SCRT2: variants seen among roughly 807,000 people sequenced by gnomAD.
SCRT2 encodes the protein scratch family transcriptional repressor 2.
In SCRT2, 2 loss-of-function variants were observed where a neutral mutation model predicts 3.7. That is an observed-to-expected ratio of 0.54 (90% CI 0.22 to 1.70). The LOEUF (loss-of-function observed/expected upper bound fraction) is 1.70, where lower values mean the gene tolerates loss of function less well. Among genes scored for constraint, SCRT2 ranks in the 40% most tolerant of loss-of-function variants. The pLI, the probability that SCRT2 is intolerant of heterozygous loss-of-function variation, is 0.19. For synonymous variants in SCRT2, 256 were observed against 220.6 expected, an observed-to-expected ratio of 1.16 and a Z score of -1.42; for missense variants, 456 against 468.5, an observed-to-expected ratio of 0.97 and a Z score of 0.25.
rs746196202 is a variant in SCRT2, at chr20:675,469, C to T, written c.133G>A (p.Gly45Arg). The T allele has an allele frequency of 5.2e-6, 7 of 1,337,162 alleles. No individual in the cohort carries two copies. The African/African-American group carries it at 9.0e-5, about 17-fold the overall frequency. 82.8% of individuals were successfully genotyped at this position (1,337,162 alleles called of 1,614,324 possible). The change falls in exon 1 of 2, where the codon GGG (glycine) becomes AGG (arginine). Residue 45 changes from glycine (G) to arginine (R), a missense_variant and splice_region_variant. Around this residue, in one of 3 missense-constraint regions of SCRT2, gnomAD observed 306 missense variants for 305.3 expected, o/e 1.00. Transcript: ENST00000246104. This position sits in a 1 kb window ranked among gnomAD's most constrained non-coding sequence, Gnocchi z 6.9. ...PGARGPPGDNGYAPHRLPPSS... is the reference protein window; with the variant it reads ...PGARGPPGDNRYAPHRLPPSS... Reference sequence around the variant, plus strand: ...CCCGCCCCCGCCGGGTCCCACTCACCGTTGTCCCCGGGAGGCCCCCGGGCG... The same window carrying T: ...CCCGCCCCCGCCGGGTCCCACTCACTGTTGTCCCCGGGAGGCCCCCGGGCG...
At chr20:671,868 C>T (rs1362744669) in intron 1 of SCRT2, among the ~76,000 whole-genome samples, 5 of 152,076 alleles carry the variant, frequency 3.3e-5, no homozygotes, top group African/African-American at 1.2e-4. Context: ...GGCCTGGCTC[C>T]AAGCTGGGGT....
rs773337424 is a variant in SCRT2, at chr20:664,232, C to A, written c.363G>T (p.Arg121=). 4 of 1,313,188 alleles carry A rather than the reference C, an allele frequency of 3.0e-6. No homozygotes were observed. In the South Asian group the frequency reaches 6.7e-5, roughly 22 times the overall value. 81.3% of individuals were successfully genotyped at this position (1,313,188 alleles called of 1,614,324 possible). Residue 121 remains arginine (R), a synonymous_variant, in exon 2 of 2, where the codon CGG becomes CGT. Coordinates refer to ENST00000246104, the MANE Select transcript of SCRT2 (RefSeq NM_033129.4). The surrounding 1 kb of genome is among the most constrained non-coding windows in gnomAD (Gnocchi z 7.9). The part of the protein sequence containing the change: ...FFISDGRSRR[R]RGGGGGDAGG... ...CCGCGTCCCCGCCGCCCCCGCCCCG[C>A]CGCCGCCGCGAGCGCCCGTCCGAGA... is the stretch of plus-strand genomic sequence containing the variant.
chr20:668,519 T>C lies in SCRT2; in HGVS notation c.134-4058A>G, dbSNP rs529461728. Among the ~76,000 whole-genome samples the C allele has an allele frequency of 7.2e-5, 11 of 152,250 alleles. No homozygotes were observed. In the South Asian group the frequency reaches 2.3e-3, roughly 32 times the overall value. On this transcript the variant is annotated intron_variant, in intron 1 of 1. Transcript: ENST00000246104. ...AGGTGAGATCTCTCATCCTAGCCCT[T>C]GAATTCAGGCCGTAGCCATGTGACC...
intron 1 of SCRT2, among the ~76,000 whole-genome samples, chr20:671,930 G>T (rs964262176): frequency 6.6e-6 from 1 of 152,198 alleles, no homozygotes; most frequent in Non-Finnish European, 1.5e-5. Flanking sequence ...TTCTTGGCAG[G>T]GGCCCACAGA....
At position 664,522 on chromosome 20, in the gene SCRT2, T is replaced by G; in HGVS notation, c.134-61A>C. The G allele has an allele frequency of 4.3e-6, 5 of 1,157,896 alleles. No homozygotes were observed. The highest frequency in any genetic ancestry group is 5.4e-6 in the Non-Finnish European group (5 of 917,458). 71.7% of individuals were successfully genotyped at this position (1,157,896 alleles called of 1,614,324 possible). ...AGGCGCCGAAGAGGGTTTCCCGCTT[T>G]GAGCGCGTCACCCTTTGCGCCTTCC... On this transcript the variant is annotated intron_variant, in intron 1 of 1. Coordinates refer to ENST00000246104, the MANE Select transcript of SCRT2 (RefSeq NM_033129.4). The surrounding 1 kb of genome is among the most constrained non-coding windows in gnomAD (Gnocchi z 7.9).
intron 1 of SCRT2, among the ~76,000 whole-genome samples, chr20:673,597 G>A (rs1008988783): frequency 6.6e-5 from 10 of 152,196 alleles, no homozygotes; most frequent in Admixed American, 4.6e-4. Context: ...TGTTAAACCC[G>A]GTGGAACCTC....
Position 666,591 on chromosome 20 carries a change from A to G in SCRT2, c.134-2130T>C, listed in dbSNP as rs79608251. Among the ~76,000 whole-genome samples, 355 of 152,330 alleles carry G rather than the reference A, an allele frequency of 2.3e-3. 2 individuals are homozygous for G. Among genetic ancestry groups the G allele is most frequent in the Non-Finnish European group, 3.9e-3 (267 of 68,022 alleles). ...GTGATGGCACTTGCTCCAGGGGTGG[A>G]GCAAGGATTGGAATCCACTGCCCCC... On this transcript the variant is annotated intron_variant, in intron 1 of 1. Transcript: ENST00000246104. The surrounding 1 kb of genome is among the most constrained non-coding windows in gnomAD (Gnocchi z 4.4).
intron 1 of SCRT2, among the ~76,000 whole-genome samples, chr20:669,601 C>T (rs1449190837): frequency 5.9e-5 from 9 of 152,178 alleles, no homozygotes; most frequent in African/African-American, 2.2e-4. Context: ...GAGGGCTGGG[C>T]CCTGCTGGGT....
chr20:663,926 C>A lies in SCRT2; in HGVS notation c.669G>T (p.Arg223=), dbSNP rs1019456866. The change falls in exon 2 of 2, where the codon CGG becomes CGT. Residue 223 remains arginine, a synonymous_variant. Transcript: ENST00000246104. The surrounding 1 kb of genome is among the most constrained non-coding windows in gnomAD (Gnocchi z 6.9). ...KCGVCGKAFS[R]PWLLQGHMRS... ...GCATGTGACCCTGCAGCAGCCAGGG[C>A]CGCGAGAAGGCCTTGCCGCAGACGC... 2 of 1,607,988 alleles carry A rather than the reference C, an allele frequency of 1.2e-6. No individual in the cohort carries two copies. Among genetic ancestry groups the A allele is most frequent in the African/African-American group, 2.7e-5 (2 of 74,878 alleles).
At chr20:669,090 G>A (rs998709764) in intron 1 of SCRT2, among the ~76,000 whole-genome samples, 5 of 149,536 alleles carry the variant, frequency 3.3e-5, no homozygotes, top group African/African-American at 1.2e-4. Context: ...AGGGGAAGGG[G>A]TGGTGCGTTT....
chr20:664,309 A>C lies in SCRT2; in HGVS notation c.286T>G (p.Phe96Val). The change falls in exon 2 of 2, where the codon TTC (phenylalanine) becomes GTC (valine). Residue 96 changes from phenylalanine to valine, a missense_variant. By Grantham distance (50) the Phe-to-Val change is conservative. Transcript: ENST00000246104. The surrounding 1 kb of genome is among the most constrained non-coding windows in gnomAD (Gnocchi z 7.9). ...TCGGTCACTGCCGCCTCCCCTCGGA[A>C]GTAGCGCGCCGACAGGCTCGACTGC... The part of the protein sequence containing the change: ...SPQSSLSARY[F>V]RGEAAVTDSY... 6.6e-7 allele frequency: 1 copy of C among 1,504,270 alleles called. No individual in the cohort carries two copies. Among genetic ancestry groups the C allele is most frequent in the South Asian group, 1.3e-5 (1 of 79,806 alleles). 93.2% of individuals were successfully genotyped at this position (1,504,270 alleles called of 1,614,324 possible).
Position 666,597 on chromosome 20 carries a change from G to T in SCRT2, c.134-2136C>A, listed in dbSNP as rs1264237151. Among the ~76,000 whole-genome samples the T allele has an allele frequency of 6.6e-6, 1 of 152,200 alleles. No individual in the cohort carries two copies. The highest frequency in any genetic ancestry group is 2.4e-5 in the African/African-American group (1 of 41,456). The stretch of plus-strand genomic sequence containing the variant: ...GCACTTGCTCCAGGGGTGGAGCAAG[G>T]ATTGGAATCCACTGCCCCCTTGGTT... On this transcript the variant is annotated intron_variant, in intron 1 of 1. Transcript: ENST00000246104. The surrounding 1 kb of genome is among the most constrained non-coding windows in gnomAD (Gnocchi z 4.4).
At position 661,678 on chromosome 20, in the gene SCRT2, G is replaced by A. The variant is rs1983953955; in HGVS notation, c.*1993C>T. 1.3e-5 allele frequency: 2 copies of A among 152,704 alleles called. No individual in the cohort carries two copies. Among genetic ancestry groups the A allele is most frequent in the Non-Finnish European group, 2.9e-5 (2 of 68,070 alleles). The allele number at this position is 152,704 out of a possible 1,614,324, so 9.5% of individuals were successfully genotyped here. ...GGTGGGGAAGGGATGGGGGTTTGGG[G>A]GTGAGTTGGGATAGGACGGAGGAGG... On this transcript the variant is annotated 3_prime_UTR_variant, in exon 2 of 2. Transcript: ENST00000246104.
In SCRT2 at chr20:663,570, A is replaced by T; in HGVS notation, c.*101T>A. 2 of 1,129,024 alleles carry T rather than the reference A, an allele frequency of 1.8e-6. No homozygotes were observed. The highest frequency in any genetic ancestry group is 2.3e-6 in the Non-Finnish European group (2 of 880,740). 69.9% of individuals were successfully genotyped at this position (1,129,024 alleles called of 1,614,324 possible). On this transcript the variant is annotated 3_prime_UTR_variant, in exon 2 of 2. Transcript: ENST00000246104. This position sits in a 1 kb window ranked among gnomAD's most constrained non-coding sequence, Gnocchi z 6.9. The stretch of plus-strand genomic sequence containing the variant: ...GGGTCCCCACGAGAGGGTCATGGGC[A>T]GGGAAACGCAGCCGGGGCTGGGCGA...
rs1984102809 is a variant in SCRT2 at position 664,697 on chromosome 20, G to A, written c.134-236C>T. On this transcript the variant is annotated intron_variant, in intron 1 of 1. Transcript: ENST00000246104. This position sits in a 1 kb window ranked among gnomAD's most constrained non-coding sequence, Gnocchi z 7.9. ...AACCCACGGAGCATGGGGCCAGCAC[G>A]GTTGTACAGAGCGTACCTTCACTAT... Among the ~76,000 whole-genome samples, 1 of 152,216 alleles carries A rather than the reference G, an allele frequency of 6.6e-6. No individual in the cohort carries two copies.
rs1018631022 is a variant in SCRT2 at position 675,010 on chromosome 20, G to A, written c.133+459C>T. Among the ~76,000 whole-genome samples, 1 of 152,088 alleles carries A rather than the reference G, an allele frequency of 6.6e-6. No individual in the cohort carries two copies. Among genetic ancestry groups the A allele is most frequent in the Admixed American group, 6.5e-5 (1 of 15,272 alleles). On this transcript the variant is annotated intron_variant, in intron 1 of 1. Coordinates refer to ENST00000246104, the MANE Select transcript of SCRT2 (RefSeq NM_033129.4). This position sits in a 1 kb window ranked among gnomAD's most constrained non-coding sequence, Gnocchi z 6.9. ...TTTGAAGGGAGGGAGGGCGCCCCCAGCCACCCCCAGGGAACCAACCCTGTC... is the reference window on the plus strand; with the variant it reads ...TTTGAAGGGAGGGAGGGCGCCCCCAACCACCCCCAGGGAACCAACCCTGTC...
rs1458280443 is a variant in SCRT2, at chr20:666,811, AG to A, written c.134-2351del. ...AGTCCTGTTCACCTGGTCTCAGGGC[AG>A]GTCTGCATCTCATGTGTCTGGGGCC... On this transcript the variant is annotated intron_variant, in intron 1 of 1. Coordinates refer to ENST00000246104, the MANE Select transcript of SCRT2 (RefSeq NM_033129.4). The surrounding 1 kb of genome is among the most constrained non-coding windows in gnomAD (Gnocchi z 4.4). Among the ~76,000 whole-genome samples the A allele has an allele frequency of 6.6e-6, 1 of 152,248 alleles. No individual in the cohort carries two copies. The highest frequency in any genetic ancestry group is 1.5e-5 in the Non-Finnish European group (1 of 68,044).
Position 663,944 on chromosome 20 carries a change from G to A in SCRT2, c.651C>T (p.Cys217=), listed in dbSNP as rs776003798. The A allele has an allele frequency of 6.2e-7, 1 of 1,609,016 alleles. No individual in the cohort carries two copies. The highest frequency in any genetic ancestry group is 1.1e-5 in the South Asian group (1 of 90,888). Residue 217 remains cysteine, a synonymous_variant, in exon 2 of 2, where the codon TGC becomes TGT. Coordinates refer to ENST00000246104, the MANE Select transcript of SCRT2 (RefSeq NM_033129.4). The surrounding 1 kb of genome is among the most constrained non-coding windows in gnomAD (Gnocchi z 6.9). ...THNLRHKCGV[C]GKAFSRPWLL... ...GCCAGGGCCGCGAGAAGGCCTTGCC[G>A]CAGACGCCGCACTTGTGGCGCAGGT...
chr20:664,491 G>A lies in SCRT2; in HGVS notation c.134-30C>T. 1 of 1,219,068 alleles carries A rather than the reference G, an allele frequency of 8.2e-7. No individual in the cohort carries two copies. Among genetic ancestry groups the A allele is most frequent in the Non-Finnish European group, 1.0e-6 (1 of 971,674 alleles). 75.5% of individuals were successfully genotyped at this position (1,219,068 alleles called of 1,614,324 possible). A position where few individuals can be genotyped will look rare whatever the true frequency, so the allele number is the denominator to read the frequency against. ...AGGGGGCGAGAAGTGGAGGGGCGGT[G>A]AGAGGAGGCGCCGAAGAGGGTTTCC... On this transcript the variant is annotated intron_variant, in intron 1 of 1. Transcript: ENST00000246104. This position sits in a 1 kb window ranked among gnomAD's most constrained non-coding sequence, Gnocchi z 7.9.
Sources: gnomAD v4.1 joint callset for allele counts (sites outside exome capture counted in the v4.1 genomes callset) on GRCh38, gnomAD v4.1.1 for gene constraint, gnomAD v4.1.1 regional missense constraint, Gnocchi (gnomAD v3.1) non-coding constraint, MANE v1.5 for transcripts, NCBI Gene and HGNC (gene_info 2026-07-23, HGNC 2026-07-21) for gene names.